PRSS55: variants seen among roughly 807,000 people sequenced by gnomAD.
The protein encoded by PRSS55 is serine protease 55.
PRSS55 carries 41 observed loss-of-function variants against 23.6 expected under a neutral mutation model. The ratio of observed to expected loss-of-function variants is 1.74; its 90% CI spans 1.35 to 2.26. The LOEUF (loss-of-function observed/expected upper bound fraction) is 2.26. Among genes scored for constraint, PRSS55 ranks in the 30% most tolerant of loss-of-function variants. PRSS55 has a pLI of 0.00. For missense variants in PRSS55, 669 were observed against 439.1 expected, an observed-to-expected ratio of 1.52 and a Z score of -4.68; for synonymous variants, 262 against 175.5, an observed-to-expected ratio of 1.49 and a Z score of -3.90.
intron 4 of PRSS55, among the ~76,000 whole-genome samples, chr8:10,552,103 T>A (rs1812965205): frequency 6.6e-6 from 1 of 152,354 alleles, no homozygotes; most frequent in African/African-American, 2.4e-5. Flanking sequence ...AATGTCTTCA[T>A]GCTTAGAATA....
At chr8:10,529,056 C>G (rs888487555) in intron 1 of PRSS55, among the ~76,000 whole-genome samples, 1 of 152,174 alleles carries the variant, frequency 6.6e-6, no homozygotes, top group African/African-American at 2.4e-5. Flanking sequence ...CTTAGCAACC[C>G]AAATTCCATC....
At chr8:10,548,041 G>A (rs1245786485) in intron 4 of PRSS55, among the ~76,000 whole-genome samples, 18 of 152,160 alleles carry the variant, frequency 1.2e-4, no homozygotes, top group Admixed American at 1.2e-3. Context: ...GAGACCTGGA[G>A]GACAGGAGGC....
At chr8:10,550,954 A>G (rs1400783704) in intron 4 of PRSS55, among the ~76,000 whole-genome samples, 1 of 152,226 alleles carries the variant, frequency 6.6e-6, no homozygotes, top group Non-Finnish European at 1.5e-5. Context: ...AATTACTCCC[A>G]CTAAAACATT....
exon 5 of PRSS55, chr8:10,553,987 T>A: frequency 6.5e-7 from 1 of 1,532,758 alleles, no homozygotes; most frequent in Non-Finnish European, 8.7e-7. Flanking sequence ...CCGGAAGCTC[T>A]CAAACAAAGC....
downstream of PRSS55, among the ~76,000 whole-genome samples, chr8:10,543,488 T>TC (rs1812728726): frequency 8.7e-6 from 1 of 114,740 alleles, no homozygotes; most frequent in African/African-American, 3.0e-5. Flanking sequence ...CTCTTTTTTT[T>TC]TTTTTTCCAA....
chr8:10,550,831 CGT>C (rs1271130186), intron 4 of PRSS55, among the ~76,000 whole-genome samples: 3 of 152,158 alleles, frequency 2.0e-5, no homozygotes, highest in Non-Finnish European at 2.9e-5. Flanking sequence ...TGTGTGTGCA[CGT>C]GTGTGTGCGT....
intron 4 of PRSS55, among the ~76,000 whole-genome samples, chr8:10,546,946 T>G (rs1812832759): frequency 6.6e-6 from 1 of 152,126 alleles, no homozygotes. Context: ...CCTCTCAAAG[T>G]GCTGGGATTA....
intron 4 of PRSS55, among the ~76,000 whole-genome samples, chr8:10,550,290 A>G (rs2117085703): frequency 6.6e-6 from 1 of 152,268 alleles, no homozygotes; most frequent in South Asian, 2.1e-4. Flanking sequence ...CCCATAACAC[A>G]GAAGTGGGGG....
chr8:10,549,289 G>T (rs1312762720), intron 4 of PRSS55, among the ~76,000 whole-genome samples: 2 of 152,204 alleles, frequency 1.3e-5, no homozygotes, highest in African/African-American at 4.8e-5. Context: ...GAGCAAGAGT[G>T]ATGTAATCCA....
At position 10,531,390 on chromosome 8, in the gene PRSS55, T is replaced by A. The variant is rs1425065494; in HGVS notation, c.443T>A (p.Phe148Tyr). The change falls in exon 3 of 5, where the codon TTT becomes TAT. Residue 148 changes from phenylalanine to tyrosine, a missense_variant. Coordinates refer to ENST00000328655, the MANE Select transcript of PRSS55 (RefSeq NM_198464.4). ...EVASIILHKD[F>Y]KRANMDNDIA... ...GCCAGCATCATTCTTCACAAAGACT[T>A]TAAGAGAGCCAACATGGACAATGAC... The A allele has an allele frequency of 6.2e-7, 1 of 1,614,110 alleles. No individual in the cohort carries two copies. The highest frequency in any genetic ancestry group is 2.2e-5 in the East Asian group (1 of 44,886).
At chr8:10,546,302 C>A (rs73662858) in intron 4 of PRSS55, among the ~76,000 whole-genome samples, 11,480 of 152,256 alleles carry the variant, frequency 0.075, 525 homozygotes, top group Middle Eastern at 0.12. Context: ...ACTGAACACT[C>A]AGGGAACTAA....
chr8:10,538,489 G>C lies in PRSS55; in HGVS notation c.755G>C (p.Gly252Ala), dbSNP rs758514798. The stretch of plus-strand genomic sequence containing the variant: ...CTCTGCCCACAGGGTGACAGTGGGG[G>C]GCCTCTGGTCTGCACCCCAGAGCCT... Reference protein sequence around the residue: ...SYDACKGDSGGPLVCTPEPGE... With the variant: ...SYDACKGDSGAPLVCTPEPGE... Residue 252 changes from glycine (G) to alanine (A), a missense_variant, in exon 5 of 5, where the codon GGG becomes GCG. Physicochemically the swap from Gly to Ala is moderately conservative, Grantham distance 60. Coordinates refer to ENST00000328655, the MANE Select transcript of PRSS55 (RefSeq NM_198464.4). 1.9e-6 allele frequency: 3 copies of C among 1,612,490 alleles called. No homozygotes were observed. Among genetic ancestry groups the C allele is most frequent in the East Asian group, 2.2e-5 (1 of 44,882 alleles).
intron 1 of PRSS55, among the ~76,000 whole-genome samples, chr8:10,528,948 G>A (rs1188430106): frequency 1.3e-5 from 2 of 152,066 alleles, no homozygotes; most frequent in African/African-American, 2.4e-5. Context: ...TTCTCCCTCT[G>A]CCTGACTTCC....
chr8:10,531,474 G>T lies in PRSS55; in HGVS notation c.527G>T (p.Cys176Phe), dbSNP rs1812261688. The stretch of plus-strand genomic sequence containing the variant: ...CTCGATGACCTGAAGGTGCCCATCT[G>T]CCTCCCCACGCAGCCCGGCCCTGCC... ...IKLDDLKVPI[C>F]LPTQPGPATW... The change falls in exon 3 of 5, where the codon TGC becomes TTC. Residue 176 changes from cysteine (C) to phenylalanine (F), a missense_variant. Coordinates refer to ENST00000328655, the MANE Select transcript of PRSS55 (RefSeq NM_198464.4). The T allele has an allele frequency of 6.2e-7, 1 of 1,614,008 alleles. No homozygotes were observed.
At position 10,531,463 on chromosome 8, in the gene PRSS55, G is replaced by A. The variant is rs777270100; in HGVS notation, c.516G>A (p.Lys172=). The change falls in exon 3 of 5, where the codon AAG becomes AAA. Residue 172 remains lysine, a synonymous_variant. Coordinates refer to ENST00000328655, the MANE Select transcript of PRSS55 (RefSeq NM_198464.4). ...LASPIKLDDL[K]VPICLPTQPG... Reference sequence around the variant, plus strand: ...CGCCCATCAAGCTCGATGACCTGAAGGTGCCCATCTGCCTCCCCACGCAGC... The same window carrying A: ...CGCCCATCAAGCTCGATGACCTGAAAGTGCCCATCTGCCTCCCCACGCAGC... 3.1e-6 allele frequency: 5 copies of A among 1,614,166 alleles called. No homozygotes were observed. In the Admixed American group the frequency reaches 8.3e-5, roughly 27 times the overall value.
chr8:10,528,252 G>A (rs1271965747), intron 1 of PRSS55, among the ~76,000 whole-genome samples: 2 of 151,000 alleles, frequency 1.3e-5, no homozygotes, highest in South Asian at 2.1e-4. Flanking sequence ...ATTGCTGAGA[G>A]CAGAAGGCTC....
intron 4 of PRSS55, among the ~76,000 whole-genome samples, chr8:10,548,962 C>G (rs776904123): frequency 6.6e-6 from 1 of 152,172 alleles, no homozygotes; most frequent in Non-Finnish European, 1.5e-5. Flanking sequence ...CACTGTGTGT[C>G]TTATCGGAAC....
intron 4 of PRSS55, among the ~76,000 whole-genome samples, chr8:10,550,414 G>A (rs553971606): frequency 2.0e-5 from 3 of 152,320 alleles, no homozygotes; most frequent in Admixed American, 1.3e-4. Context: ...TCATAAGCCT[G>A]TACTAGTCCT....
At chr8:10,535,524 A>G (rs1812424940) in intron 4 of PRSS55, among the ~76,000 whole-genome samples, 1 of 152,252 alleles carries the variant, frequency 6.6e-6, no homozygotes, top group Admixed American at 6.5e-5. Context: ...TATGCAGAAG[A>G]TTGAAACTGG....
Sources: gnomAD v4.1 joint callset for allele counts (sites outside exome capture counted in the v4.1 genomes callset) on GRCh38, gnomAD v4.1.1 for gene constraint, MANE v1.5 for transcripts, NCBI Gene and HGNC (gene_info 2026-07-23, HGNC 2026-07-21) for gene names.